The following HIKESHI variants were observed in gnomAD, a reference collection of about 807,000 sequenced individuals.
The protein encoded by HIKESHI is heat shock protein nuclear import factor hikeshi, also known as protein Hikeshi.
In HIKESHI, 13 loss-of-function variants were observed where a neutral mutation model predicts 25.7. That is an observed-to-expected ratio of 0.51 (90% CI 0.33 to 0.80). HIKESHI has a LOEUF of 0.80. Ranked by LOEUF, HIKESHI falls within the 30% of genes least tolerant of loss-of-function variation. HIKESHI has a pLI of 0.02. For missense variants in HIKESHI, 174 were observed against 229.5 expected (o/e 0.76, Z 1.56); for synonymous variants, 76 against 78.7 (o/e 0.97, Z 0.18).
intron 3 of HIKESHI, among the ~76,000 whole-genome samples, chr11:86,339,924 C>T (rs1947678930): frequency 1.3e-5 from 2 of 151,092 alleles, no homozygotes; most frequent in Admixed American, 1.3e-4. Context: ...GACCCGCCCG[C>T]CGTGTGTGAT....
At chr11:86,311,105 C>G (rs1199044153) in intron 2 of HIKESHI, among the ~76,000 whole-genome samples, 1 of 152,166 alleles carries the variant, frequency 6.6e-6, no homozygotes, top group African/African-American at 2.4e-5. Flanking sequence ...CCCTCTTTTG[C>G]TATTGATTGG....
rs1281488696 is a variant in HIKESHI, at chr11:86,323,350, CAG to C, written c.269-14027_269-14026del. 2.0e-5 allele frequency among the ~76,000 whole-genome samples: 3 copies of C among 151,526 alleles called. No individual in the cohort carries two copies. In the East Asian group the frequency reaches 5.8e-4, roughly 29 times the overall value. ...GACAAACGTGATATCAGTTGGAAAA[CAG>C]AAAGATTCAGTTGGAAAACATGAAA... On this transcript the variant is annotated intron_variant, in intron 2 of 4. Transcript: ENST00000278483.
Position 86,302,405 on chromosome 11 carries a change from C to A in HIKESHI, c.-44C>A. On this transcript the variant is annotated 5_prime_UTR_variant, in exon 1 of 5. Transcript: ENST00000278483. ...GGGCAGTAGCCCCAGGACTCCTAGT[C>A]GCCGGCTTCAGGTCACTGCCGGCTG... The A allele has an allele frequency of 6.4e-7, 1 of 1,550,944 alleles. No homozygotes were observed. Among genetic ancestry groups the A allele is most frequent in the South Asian group, 1.2e-5 (1 of 84,004 alleles).
At chr11:86,307,837 A>AT (rs1408980488) in intron 2 of HIKESHI, among the ~76,000 whole-genome samples, 4 of 96,230 alleles carry the variant, frequency 4.2e-5, no homozygotes, top group African/African-American at 1.3e-4. Context: ...TACATTATAT[A>AT]AATATATATT....
rs1946515444 is a variant in HIKESHI at position 86,302,331 on chromosome 11, AG to A, written c.-114del. 6 of 1,234,884 alleles carry A rather than the reference AG, an allele frequency of 4.9e-6. No homozygotes were observed. Among genetic ancestry groups the A allele is most frequent in the Admixed American group, 2.0e-5 (1 of 50,240 alleles). The allele number at this position is 1,234,884 out of a possible 1,614,324, so 76.5% of individuals were successfully genotyped here. A position where few individuals can be genotyped will look rare whatever the true frequency, so the allele number is the denominator to read the frequency against. On this transcript the variant is annotated 5_prime_UTR_variant, in exon 1 of 5. Coordinates refer to ENST00000278483, the MANE Select transcript of HIKESHI (RefSeq NM_016401.4). Reference sequence around the variant, plus strand: ...CGCTGGCCCAGTCACTATGTAGTGGAGGGGCAGACACCCTCCCGCAAATTCT... The same window carrying A: ...CGCTGGCCCAGTCACTATGTAGTGGAGGGCAGACACCCTCCCGCAAATTCT...
chr11:86,339,535 A>G (rs1475341933), intron 3 of HIKESHI, among the ~76,000 whole-genome samples: 1 of 152,210 alleles, frequency 6.6e-6, no homozygotes, highest in Non-Finnish European at 1.5e-5. Flanking sequence ...GGCATTATAG[A>G]TATAGCCCAC....
At chr11:86,330,166 T>C (rs1441225550) in intron 2 of HIKESHI, among the ~76,000 whole-genome samples, 1 of 152,184 alleles carries the variant, frequency 6.6e-6, no homozygotes, top group South Asian at 2.1e-4. Flanking sequence ...ACAATATACA[T>C]TGTTAACTTT....
intron 2 of HIKESHI, among the ~76,000 whole-genome samples, chr11:86,311,523 T>C (rs1946834299): frequency 6.6e-6 from 1 of 152,168 alleles, no homozygotes; most frequent in African/African-American, 2.4e-5. Flanking sequence ...CCTGGATTCA[T>C]TGATTTTCTG....
At chr11:86,306,667 C>T (rs186842279) in intron 2 of HIKESHI, among the ~76,000 whole-genome samples, 185 bp downstream of exon 2, 1 of 151,972 alleles carries the variant, frequency 6.6e-6, no homozygotes, top group East Asian at 1.9e-4. Context: ...TTCCTGGGCT[C>T]CTCTTGTTGT....
intron 2 of HIKESHI, among the ~76,000 whole-genome samples, chr11:86,317,840 A>C (rs879272092): frequency 6.6e-6 from 1 of 152,126 alleles, no homozygotes; most frequent in Admixed American, 6.6e-5. Context: ...AAGCACAAGT[A>C]ATGTTATTAA....
intron 2 of HIKESHI, among the ~76,000 whole-genome samples, chr11:86,309,099 T>C (rs1254503521): frequency 2.6e-5 from 4 of 152,204 alleles, no homozygotes; most frequent in African/African-American, 4.8e-5. Context: ...ATGGGATGGC[T>C]GGGTCAAATG....
At chr11:86,319,242 A>ATATATATATATATATATATATATATTTTT (rs1383589741) in intron 2 of HIKESHI, among the ~76,000 whole-genome samples, 1 of 94,952 alleles carries the variant, frequency 1.1e-5, no homozygotes, top group African/African-American at 4.6e-5. Context: ...ATATATATAT[A>ATATATATATATATATATATATATATTTTT]TTTTTTTTTT....
chr11:86,328,609 A>G (rs1565735609), intron 2 of HIKESHI, among the ~76,000 whole-genome samples: 1 of 151,704 alleles, frequency 6.6e-6, no homozygotes, highest in Non-Finnish European at 1.5e-5. Context: ...ACGCCCGGCT[A>G]ATTTTTGTCT....
chr11:86,302,556 G>A, intron 1 of HIKESHI, 78 bp downstream of exon 1: 1 of 1,498,946 alleles, frequency 6.7e-7, no homozygotes, highest in Non-Finnish European at 9.0e-7. Context: ...GGGTGCGCAG[G>A]CGCTAGGGAT....
chr11:86,323,136 C>T (rs1947191850), intron 2 of HIKESHI, among the ~76,000 whole-genome samples: 1 of 151,768 alleles, frequency 6.6e-6, no homozygotes, highest in Admixed American at 6.6e-5. Flanking sequence ...GCTGAGGCCT[C>T]AGGAGGATTG....
At chr11:86,327,471 C>T (rs193223344) in intron 2 of HIKESHI, among the ~76,000 whole-genome samples, 18 of 152,188 alleles carry the variant, frequency 1.2e-4, no homozygotes, top group South Asian at 4.2e-4. Context: ...CCTGCCACCA[C>T]GCCCGGCTAA....
chr11:86,326,933 T>C (rs1947296798), intron 2 of HIKESHI, among the ~76,000 whole-genome samples: 1 of 152,126 alleles, frequency 6.6e-6, no homozygotes, highest in Admixed American at 6.5e-5. Context: ...GATCTTAATA[T>C]GGTATTTTAG....
chr11:86,308,261 T>G (rs1305658018), intron 2 of HIKESHI, among the ~76,000 whole-genome samples: 5 of 106,188 alleles, frequency 4.7e-5, no homozygotes, highest in African/African-American at 2.2e-4. Context: ...ATATTACATA[T>G]AAAATGTGTA....
intron 2 of HIKESHI, among the ~76,000 whole-genome samples, chr11:86,319,242 A>ATATATATATATATATTTTTT (rs1383589741): frequency 1.1e-5 from 1 of 94,952 alleles, no homozygotes; most frequent in African/African-American, 4.6e-5. Flanking sequence ...ATATATATAT[A>ATATATATATATATATTTTTT]TTTTTTTTTT....
Sources: allele counts gnomAD v4.1 joint callset (sites outside exome capture counted in the v4.1 genomes callset), GRCh38; gene constraint gnomAD v4.1.1; transcripts MANE v1.5; gene names NCBI Gene and HGNC (gene_info 2026-07-23, HGNC 2026-07-21).